RABGAP1L: variants seen among roughly 807,000 people sequenced by gnomAD.
The protein encoded by RABGAP1L is RAB GTPase activating protein 1 like.
Under a neutral mutation model 137.7 loss-of-function variants are expected in RABGAP1L, and 63 were observed. That is an observed-to-expected ratio of 0.46 (90% CI 0.37 to 0.56). The LOEUF (loss-of-function observed/expected upper bound fraction) is 0.56. RABGAP1L is among the 20% of genes least tolerant of loss of function. The probability of loss-of-function intolerance (pLI) is 0.00; values close to 1 mark genes in which losing one functional copy is unlikely to be tolerated. For missense variants in RABGAP1L, 1,095 were observed against 1,244.0 expected, an observed-to-expected ratio of 0.88 and a Z score of 1.80; for synonymous variants, 431 against 433.7, an observed-to-expected ratio of 0.99 and a Z score of 0.08.
rs558461242 is a variant in RABGAP1L, at chr1:174,761,966, A to C, written c.2211+9612A>C. 6.6e-6 allele frequency among the ~76,000 whole-genome samples: 1 copy of C among 152,240 alleles called. No individual in the cohort carries two copies. Among genetic ancestry groups the C allele is most frequent in the Non-Finnish European group, 1.5e-5 (1 of 68,016 alleles). On this transcript the variant is annotated intron_variant, in intron 18 of 25. Coordinates refer to ENST00000681986, the MANE Select transcript of RABGAP1L (RefSeq NM_001366446.1). The surrounding 1 kb of genome is among the most constrained non-coding windows in gnomAD (Gnocchi z 4.0). The stretch of plus-strand genomic sequence containing the variant: ...CCGCAGGGTGATGGGAGTTATGGGT[A>C]GGTTGCAATGTTAAATAGGGTAGTC...
At chr1:174,600,563 A>C (rs983417652) in intron 13 of RABGAP1L, among the ~76,000 whole-genome samples, 3 of 145,048 alleles carry the variant, frequency 2.1e-5, no homozygotes, top group Non-Finnish European at 4.7e-5. Flanking sequence ...GAAATTGGCC[A>C]AAAAAAAGGA....
intron 13 of RABGAP1L, among the ~76,000 whole-genome samples, chr1:174,537,804 T>G (rs192005889): frequency 4.6e-5 from 7 of 152,172 alleles, no homozygotes; most frequent in African/African-American, 1.4e-4. Context: ...AAAGTTATAA[T>G]TTTTTTCAAC....
At chr1:174,247,036 T>TC (rs1558067491) in intron 5 of RABGAP1L, among the ~76,000 whole-genome samples, 2 of 152,214 alleles carry the variant, frequency 1.3e-5, no homozygotes, top group African/African-American at 4.8e-5. Context: ...TATTTTTTTT[T>TC]CTCCATCATT....
rs567271576 is a variant in RABGAP1L at position 174,621,444 on chromosome 1, C to G, written c.1711-15931C>G. Among the ~76,000 whole-genome samples the G allele has an allele frequency of 4.6e-5, 7 of 152,328 alleles. No individual in the cohort carries two copies. The East Asian group carries it at 1.3e-3, about 29-fold the overall frequency. ...AAGCTGGAGGCATCAAGCTACCTGA[C>G]TTCAAACTATACTACAAGGCTACAG... On this transcript the variant is annotated intron_variant, in intron 13 of 25. Coordinates refer to ENST00000681986, the MANE Select transcript of RABGAP1L (RefSeq NM_001366446.1).
intron 4 of RABGAP1L, among the ~76,000 whole-genome samples, chr1:174,238,123 A>G (rs1671383836): frequency 6.6e-6 from 1 of 152,064 alleles, no homozygotes; most frequent in Non-Finnish European, 1.5e-5. Context: ...CAGCTCCATC[A>G]GCTCCTTTAG....
intron 4 of RABGAP1L, among the ~76,000 whole-genome samples, chr1:174,238,603 C>T (rs1253595788): frequency 6.6e-6 from 1 of 151,248 alleles, no homozygotes; most frequent in East Asian, 1.9e-4. Flanking sequence ...CAGGGACCCA[C>T]TTGAGGAGGC....
At position 174,214,813 on chromosome 1, in the gene RABGAP1L, A is replaced by G. The variant is rs562048649; in HGVS notation, c.-33-4312A>G. On this transcript the variant is annotated intron_variant, in intron 1 of 25. Coordinates refer to ENST00000681986, the MANE Select transcript of RABGAP1L (RefSeq NM_001366446.1). ...CAGAAGGATGAAACTGGACCCCTGT[A>G]TCTCATCATGTACAAAAACAAAATT... Among the ~76,000 whole-genome samples, 9 of 152,318 alleles carry G rather than the reference A, an allele frequency of 5.9e-5. No homozygotes were observed. The East Asian group carries it at 1.2e-3, about 20-fold the overall frequency.
At chr1:174,528,189 A>T (rs1389195572) in intron 13 of RABGAP1L, among the ~76,000 whole-genome samples, 1 of 150,982 alleles carries the variant, frequency 6.6e-6, no homozygotes, top group Non-Finnish European at 1.5e-5. Context: ...TCATATAGTC[A>T]ATTGTTTTTG....
At chr1:174,430,312 C>T (rs907464840) in intron 13 of RABGAP1L, among the ~76,000 whole-genome samples, 3 of 150,806 alleles carry the variant, frequency 2.0e-5, no homozygotes, top group South Asian at 2.1e-4. Context: ...GAGGCAAGAT[C>T]GCACCACTGC....
intron 1 of RABGAP1L, among the ~76,000 whole-genome samples, chr1:174,179,774 G>A (rs1194494649): frequency 2.0e-5 from 3 of 152,104 alleles, no homozygotes; most frequent in Non-Finnish European, 2.9e-5. Context: ...TCTCTGAAAG[G>A]GTCTTGGGGG....
intron 13 of RABGAP1L, among the ~76,000 whole-genome samples, chr1:174,532,200 G>T (rs991689561): frequency 6.6e-6 from 1 of 150,650 alleles, no homozygotes; most frequent in Admixed American, 6.6e-5. Flanking sequence ...GGAGTTTTTT[G>T]TTTTTTGTTT....
chr1:174,795,364 C>G (rs757807852), intron 18 of RABGAP1L, among the ~76,000 whole-genome samples: 1 of 152,120 alleles, frequency 6.6e-6, no homozygotes, highest in South Asian at 2.1e-4. Context: ...GGGATAGCAA[C>G]CTTATAAATG....
chr1:174,423,384 T>G (rs1246399688), intron 13 of RABGAP1L, among the ~76,000 whole-genome samples: 1 of 152,174 alleles, frequency 6.6e-6, no homozygotes, highest in African/African-American at 2.4e-5. Context: ...AAATAATGAA[T>G]GTAAAAAATA....
At chr1:174,516,743 C>T (rs1277407746) in intron 13 of RABGAP1L, among the ~76,000 whole-genome samples, 2 of 151,904 alleles carry the variant, frequency 1.3e-5, no homozygotes, top group Non-Finnish European at 2.9e-5. Context: ...GGTTTAATAA[C>T]TATTCCTAGT....
Position 174,752,457 on chromosome 1 carries a change from GAC to G in RABGAP1L, c.2211+109_2211+110del, listed in dbSNP as rs1684415214. 2.7e-5 allele frequency: 22 copies of G among 814,862 alleles called. No homozygotes were observed. In the East Asian group the frequency reaches 6.4e-4, roughly 24 times the overall value. 50.5% of individuals were successfully genotyped at this position (814,862 alleles called of 1,614,324 possible). A position where few individuals can be genotyped will look rare whatever the true frequency, so the allele number is the denominator to read the frequency against. On this transcript the variant is annotated intron_variant, in intron 18 of 25. Coordinates refer to ENST00000681986, the MANE Select transcript of RABGAP1L (RefSeq NM_001366446.1). ...GTCTTTGACTCATTTCAGTTTCTCA[GAC>G]ACACAAAAATAGATGACTTCTCTGA...
intron 13 of RABGAP1L, among the ~76,000 whole-genome samples, chr1:174,531,870 C>T (rs1022979289): frequency 6.6e-6 from 1 of 151,960 alleles, no homozygotes; most frequent in Non-Finnish European, 1.5e-5. Flanking sequence ...AATAGAAATA[C>T]TGGAAGAAAG....
chr1:174,831,727 T>TAA lies in RABGAP1L; in HGVS notation c.2340+19775_2340+19776dup, dbSNP rs201857412. On this transcript the variant is annotated intron_variant, in intron 19 of 25. Transcript: ENST00000681986. Reference sequence around the variant, plus strand: ...TTCATGGGTAGAACCTCTAGGTGACTAAAAAAAAACTAGCTTTATGTCTAG... The same window carrying TAA: ...TTCATGGGTAGAACCTCTAGGTGACTAAAAAAAAAAACTAGCTTTATGTCTAG... Among the ~76,000 whole-genome samples the TAA allele has an allele frequency of 1.2e-3, 176 of 147,678 alleles. 9 individuals carry two copies. Among genetic ancestry groups the TAA allele is most frequent in the African/African-American group, 4.2e-3 (170 of 40,406 alleles).
At chr1:174,935,048 A>G (rs1004335510) in intron 19 of RABGAP1L, 2 of 152,200 alleles carry the variant, frequency 1.3e-5, no homozygotes, top group Non-Finnish European at 2.9e-5. Context: ...GCCAGGTAGT[A>G]TGTTACTTGC....
At chr1:174,347,203 A>G (rs1682512683) in intron 11 of RABGAP1L, among the ~76,000 whole-genome samples, 1 of 152,280 alleles carries the variant, frequency 6.6e-6, no homozygotes, top group African/African-American at 2.4e-5. Context: ...CACTGGATCA[A>G]ATGTTCTACA....
Sources: allele counts gnomAD v4.1 joint callset (sites outside exome capture counted in the v4.1 genomes callset), GRCh38; gene constraint gnomAD v4.1.1; non-coding constraint Gnocchi (gnomAD v3.1); transcripts MANE v1.5; gene names NCBI Gene and HGNC (gene_info 2026-07-23, HGNC 2026-07-21).